CNTN5: variants seen among roughly 807,000 people sequenced by gnomAD.
CNTN5 encodes the protein contactin-5.
A neutral mutation model predicts 129.1 loss-of-function variants in CNTN5; 77 were observed. The observed-to-expected ratio is 0.60, with a 90% CI of 0.50 to 0.72. The LOEUF (loss-of-function observed/expected upper bound fraction) is 0.72, where lower values mean the gene tolerates loss of function less well. CNTN5 is among the 30% of genes least tolerant of loss of function. The pLI is 0.00. For synonymous variants in CNTN5, 509 were observed against 465.6 expected (o/e 1.09, Z -1.20); for missense variants, 1,478 against 1,328.8 (o/e 1.11, Z -1.75).
chr11:99,858,364 G>T (rs1948103226), intron 6 of CNTN5, among the ~76,000 whole-genome samples: 1 of 151,878 alleles, frequency 6.6e-6, no homozygotes, highest in African/African-American at 2.4e-5. Flanking sequence ...TATAATTCAT[G>T]GAATTTTTGA....
chr11:99,924,552 G>T (rs1214167772), intron 7 of CNTN5, among the ~76,000 whole-genome samples: 2 of 151,958 alleles, frequency 1.3e-5, no homozygotes, highest in African/African-American at 4.8e-5. Context: ...TTGGTTGTGG[G>T]TATGCAGCTT....
At chr11:99,119,161 A>G (rs547294296) in intron 1 of CNTN5, among the ~76,000 whole-genome samples, 1 of 151,976 alleles carries the variant, frequency 6.6e-6, no homozygotes, top group Non-Finnish European at 1.5e-5. Context: ...CACTTATTTT[A>G]GGTTCAGTGG....
At chr11:99,093,048 A>T (rs192334327) in intron 1 of CNTN5, among the ~76,000 whole-genome samples, 4 of 152,140 alleles carry the variant, frequency 2.6e-5, no homozygotes, top group Admixed American at 2.6e-4. Flanking sequence ...TTTGTATAGA[A>T]TTTCTATTCT....
At chr11:99,283,497 A>G (rs968897724) in intron 1 of CNTN5, among the ~76,000 whole-genome samples, 14 of 152,144 alleles carry the variant, frequency 9.2e-5, no homozygotes, top group African/African-American at 2.9e-4. Flanking sequence ...AGTTTTAGAA[A>G]GAAAACAGAA....
chr11:99,039,243 G>A (rs1438537598), intron 1 of CNTN5, among the ~76,000 whole-genome samples: 2 of 152,198 alleles, frequency 1.3e-5, no homozygotes, highest in South Asian at 2.1e-4. Flanking sequence ...AAACCACAAA[G>A]CACTTCTCAG....
chr11:100,178,512 A>G (rs1484074453), intron 13 of CNTN5, among the ~76,000 whole-genome samples: 1 of 152,200 alleles, frequency 6.6e-6, no homozygotes, highest in Non-Finnish European at 1.5e-5. Context: ...GTGAACAATT[A>G]AATTGTTAGG....
intron 8 of CNTN5, among the ~76,000 whole-genome samples, chr11:99,989,414 C>T (rs969075783): frequency 1.3e-5 from 2 of 152,042 alleles, no homozygotes; most frequent in Admixed American, 6.6e-5. Context: ...AAACCATATT[C>T]ACACACGTCT....
intron 6 of CNTN5, among the ~76,000 whole-genome samples, chr11:99,862,483 C>T (rs1056688812): frequency 6.6e-6 from 1 of 151,890 alleles, no homozygotes; most frequent in Non-Finnish European, 1.5e-5. Context: ...GTCTCATTTC[C>T]AAAATGCACA....
chr11:100,000,009 G>A (rs1039598432), intron 8 of CNTN5, among the ~76,000 whole-genome samples: 28 of 150,510 alleles, frequency 1.9e-4, no homozygotes, highest in African/African-American at 6.9e-4. Flanking sequence ...GACTGTTGTG[G>A]GGTGTGGGGA....
chr11:99,190,136 A>T (rs1233500421), intron 1 of CNTN5, among the ~76,000 whole-genome samples: 1 of 151,696 alleles, frequency 6.6e-6, no homozygotes, highest in African/African-American at 2.4e-5. Flanking sequence ...TCCCAACATC[A>T]TTTATTGAAG....
In CNTN5 at chr11:99,262,682, A is replaced by G. The variant is rs114447940; in HGVS notation, c.-209-62664A>G. ...TGAATACCAAGTGAAGTTTATTTATATTAATGTTTAAAATTATGTTATGTA... is the reference window on the plus strand; with the variant it reads ...TGAATACCAAGTGAAGTTTATTTATGTTAATGTTTAAAATTATGTTATGTA... On this transcript the variant is annotated intron_variant, in intron 1 of 24. Transcript: ENST00000524871. Among the ~76,000 whole-genome samples the G allele has an allele frequency of 6.1e-3, 919 of 151,002 alleles. 8 individuals are homozygous for G. Among genetic ancestry groups the G allele is most frequent in the African/African-American group, 0.017 (717 of 41,188 alleles).
chr11:99,297,449 A>T (rs532494399), intron 1 of CNTN5, among the ~76,000 whole-genome samples: 14 of 143,772 alleles, frequency 9.7e-5, no homozygotes, highest in African/African-American at 3.5e-4. Flanking sequence ...AGGCAGATTA[A>T]TCCAAAGAGA....
chr11:99,925,115 A>G (rs1349857205), intron 7 of CNTN5, among the ~76,000 whole-genome samples: 1 of 152,158 alleles, frequency 6.6e-6, no homozygotes, highest in Non-Finnish European at 1.5e-5. Flanking sequence ...TCTCCAAACA[A>G]TCAGTTTCTC....
chr11:100,019,596 A>G (rs1941019665), intron 9 of CNTN5, among the ~76,000 whole-genome samples: 1 of 151,820 alleles, frequency 6.6e-6, no homozygotes, highest in Non-Finnish European at 1.5e-5. Flanking sequence ...TTATTTGTTG[A>G]TGGACTCTTA....
chr11:99,776,979 A>AT (rs1945146313), intron 3 of CNTN5, among the ~76,000 whole-genome samples: 3 of 151,916 alleles, frequency 2.0e-5, no homozygotes, highest in East Asian at 1.9e-4. Flanking sequence ...TAAAAATGTC[A>AT]TTTTTTCATT....
intron 4 of CNTN5, among the ~76,000 whole-genome samples, chr11:99,828,840 T>G (rs775325249): frequency 6.6e-6 from 1 of 152,200 alleles, no homozygotes; most frequent in Non-Finnish European, 1.5e-5. Flanking sequence ...ATTATAGTAG[T>G]TGTCTTAAAC....
chr11:99,445,028 G>A (rs957678940), intron 2 of CNTN5, among the ~76,000 whole-genome samples: 1 of 148,540 alleles, frequency 6.7e-6, no homozygotes, highest in Non-Finnish European at 1.5e-5. Context: ...ATTTATGTGT[G>A]TGTATTTATA....
At chr11:99,134,861 A>G (rs1591254900) in intron 1 of CNTN5, among the ~76,000 whole-genome samples, 1 of 152,228 alleles carries the variant, frequency 6.6e-6, no homozygotes, top group Admixed American at 6.5e-5. Context: ...TGTACTAGGT[A>G]ACAAATAAAA....
intron 3 of CNTN5, among the ~76,000 whole-genome samples, chr11:99,717,460 T>A (rs1288944803): frequency 6.6e-6 from 1 of 152,004 alleles, no homozygotes; most frequent in African/African-American, 2.4e-5. Flanking sequence ...ATCAGTAATA[T>A]AAAAAAAGAT....
Sources: allele counts gnomAD v4.1 joint callset (sites outside exome capture counted in the v4.1 genomes callset), GRCh38; gene constraint gnomAD v4.1.1; transcripts MANE v1.5; gene names NCBI Gene and HGNC (gene_info 2026-07-23, HGNC 2026-07-21).